Variants in LRRK1 observed in about 807,000 individuals in gnomAD.
LRRK1 encodes leucine-rich repeat serine/threonine-protein kinase 1.
In LRRK1, 113 loss-of-function variants were observed where a neutral mutation model predicts 209.1. That is an observed-to-expected ratio of 0.54 (90% CI 0.46 to 0.63). The LOEUF (loss-of-function observed/expected upper bound fraction) is 0.63. Among genes scored for constraint, LRRK1 ranks in the 30% least tolerant of loss-of-function variants. The pLI is 0.00. For missense variants in LRRK1, 2,284 were observed against 2,632.2 expected (o/e 0.87, Z 2.89); for synonymous variants, 1,144 against 1,099.7 (o/e 1.04, Z -0.80).
intron 21 of LRRK1, among the ~76,000 whole-genome samples, chr15:101,047,708 C>T (rs980396525): frequency 6.6e-6 from 1 of 152,190 alleles, no homozygotes; most frequent in Admixed American, 6.5e-5. Context: ...ACGGAGCGGC[C>T]CCGCGCACAC....
chr15:101,062,319 A>G (rs901071128), intron 30 of LRRK1: 2 of 388,886 alleles, frequency 5.1e-6, no homozygotes, highest in Non-Finnish European at 9.4e-6. Flanking sequence ...CTGTGCCCCC[A>G]GATCCCAATG....
At chr15:101,023,478 G>A (rs2033888031) in intron 15 of LRRK1, among the ~76,000 whole-genome samples, 1 of 152,200 alleles carries the variant, frequency 6.6e-6, no homozygotes, top group African/African-American at 2.4e-5. Context: ...GAATAGAGCA[G>A]GGGCAGTTAG....
intron 7 of LRRK1, 113 bp from the exon 8 acceptor site, chr15:101,010,337 C>G: frequency 8.7e-7 from 1 of 1,144,268 alleles, no homozygotes; most frequent in Non-Finnish European, 1.2e-6. Context: ...ACTCTTTAAC[C>G]TTGCATGGGG....
At chr15:100,938,959 G>A (rs564653624) in intron 2 of LRRK1, among the ~76,000 whole-genome samples, 7 of 145,030 alleles carry the variant, frequency 4.8e-5, no homozygotes, top group African/African-American at 1.7e-4. Context: ...GAGGCATGGT[G>A]GCGGGCACCT....
At chr15:101,047,712 C>T (rs1347680896) in intron 21 of LRRK1, among the ~76,000 whole-genome samples, 6 of 152,230 alleles carry the variant, frequency 3.9e-5, no homozygotes, top group South Asian at 2.1e-4. Flanking sequence ...AGCGGCCCCG[C>T]GCACACTGGT....
At position 101,024,798 on chromosome 15, in the gene LRRK1, A is replaced by G; in HGVS notation, c.2068-5A>G. ...CTCCCTGTCGCTGCCTTGTTGCTCA[A>G]GTAGGTTGAGTCCGTGGAGTTCAAC... On this transcript the variant is annotated splice_polypyrimidine_tract_variant and splice_region_variant and intron_variant, in intron 15 of 33. Coordinates refer to ENST00000388948, the MANE Select transcript of LRRK1 (RefSeq NM_024652.6). The surrounding 1 kb of genome is among the most constrained non-coding windows in gnomAD (Gnocchi z 4.6). The G allele has an allele frequency of 6.2e-7, 1 of 1,610,910 alleles. No individual in the cohort carries two copies. The highest frequency in any genetic ancestry group is 8.5e-7 in the Non-Finnish European group (1 of 1,177,534).
intron 2 of LRRK1, among the ~76,000 whole-genome samples, chr15:100,933,591 G>T (rs1041298061): frequency 1.3e-5 from 2 of 152,000 alleles, no homozygotes; most frequent in Non-Finnish European, 2.9e-5. Context: ...AGAGGCTGAG[G>T]TGGGCAGATC....
At chr15:101,052,001 CAG>C (rs1491317586) in intron 24 of LRRK1, 41 bp downstream of exon 24, 39 of 1,592,024 alleles carry the variant, frequency 2.4e-5, no homozygotes, top group African/African-American at 5.4e-5. Context: ...GTGCAGGTCA[CAG>C]GGGGCGTTCC....
chr15:101,054,093 C>T (rs1482941507), intron 26 of LRRK1, among the ~76,000 whole-genome samples: 4 of 152,084 alleles, frequency 2.6e-5, no homozygotes, highest in Admixed American at 6.5e-5. Context: ...ATCCTCCCAC[C>T]GCAACTTCCC....
intron 2 of LRRK1, among the ~76,000 whole-genome samples, chr15:100,972,739 G>C (rs1276038204): frequency 2.0e-5 from 3 of 151,992 alleles, no homozygotes; most frequent in Non-Finnish European, 4.4e-5. Context: ...AATTTGCTTG[G>C]TCACCTTTCA....
chr15:101,054,368 A>G (rs561233501), intron 26 of LRRK1, among the ~76,000 whole-genome samples: 8 of 152,346 alleles, frequency 5.3e-5, no homozygotes, highest in East Asian at 1.9e-4. Context: ...TCATTCAGCA[A>G]AATGCCAGCA....
At chr15:100,956,943 A>T (rs1423585758) in intron 2 of LRRK1, among the ~76,000 whole-genome samples, 1 of 152,160 alleles carries the variant, frequency 6.6e-6, no homozygotes, top group Non-Finnish European at 1.5e-5. Context: ...GTCAACTTTC[A>T]TCTTAGAACT....
chr15:100,929,053 G>A (rs112640794), intron 2 of LRRK1, among the ~76,000 whole-genome samples: 90 of 152,304 alleles, frequency 5.9e-4, no homozygotes, highest in African/African-American at 2.1e-3. Flanking sequence ...GCTGCAGGAC[G>A]CGCATTACTT....
At chr15:100,980,613 G>A (rs538014989) in intron 3 of LRRK1, among the ~76,000 whole-genome samples, 9 of 152,230 alleles carry the variant, frequency 5.9e-5, no homozygotes, top group South Asian at 4.1e-4. Flanking sequence ...TATTGCCATC[G>A]GGGGAAACTG....
chr15:100,991,383 C>T (rs1314256898), intron 6 of LRRK1, among the ~76,000 whole-genome samples: 1 of 152,054 alleles, frequency 6.6e-6, no homozygotes, highest in African/African-American at 2.4e-5. Context: ...CTTTTATGTT[C>T]TTTAATGAGA....
At chr15:101,014,923 G>A (rs1469252901) in intron 11 of LRRK1, among the ~76,000 whole-genome samples, 1 of 152,194 alleles carries the variant, frequency 6.6e-6, no homozygotes, top group Non-Finnish European at 1.5e-5. Flanking sequence ...GGAGAATCTT[G>A]TCTCTCACTT....
Position 101,027,831 on chromosome 15 carries a change from G to T in LRRK1, c.2686+34G>T, listed in dbSNP as rs372154067. ...GGCTGGGGTAGGTGGCAGGGTGCCC[G>T]TGAGAAATGGAACTGTCTGTACTTG... On this transcript the variant is annotated intron_variant, in intron 19 of 33. Coordinates refer to ENST00000388948, the MANE Select transcript of LRRK1 (RefSeq NM_024652.6). The surrounding 1 kb of genome is among the most constrained non-coding windows in gnomAD (Gnocchi z 5.1). 1 of 1,528,524 alleles carries T rather than the reference G, an allele frequency of 6.5e-7. No homozygotes were observed. Among genetic ancestry groups the T allele is most frequent in the Non-Finnish European group, 8.8e-7 (1 of 1,132,300 alleles). The allele number at this position is 1,528,524 out of a possible 1,614,324, so 94.7% of individuals were successfully genotyped here.
intron 26 of LRRK1, 93 bp downstream of exon 26, chr15:101,053,513 T>A: frequency 8.4e-7 from 1 of 1,184,256 alleles, no homozygotes; most frequent in East Asian, 2.6e-5. Context: ...CAGGTGGCCT[T>A]GGCAAGCCCA....
intron 2 of LRRK1, 23 bp downstream of exon 2, chr15:100,924,752 G>T: frequency 6.3e-7 from 1 of 1,581,130 alleles, no homozygotes. Context: ...CTGTGCTTAT[G>T]CCTGCCTGGG....
Sources: gnomAD v4.1 joint callset for allele counts (sites outside exome capture counted in the v4.1 genomes callset) on GRCh38, gnomAD v4.1.1 for gene constraint, Gnocchi (gnomAD v3.1) non-coding constraint, MANE v1.5 for transcripts, NCBI Gene and HGNC (gene_info 2026-07-23, HGNC 2026-07-21) for gene names.